NFKBIL1: variants seen among roughly 807,000 people sequenced by gnomAD.
NFKBIL1 encodes NF-kappa-B inhibitor-like protein 1.
A neutral mutation model predicts 45.4 loss-of-function variants in NFKBIL1; 30 were observed. That is an observed-to-expected ratio of 0.66 (90% confidence interval 0.49 to 0.90). The LOEUF (loss-of-function observed/expected upper bound fraction) is 0.90. NFKBIL1 is among the 40% of genes least tolerant of loss of function. The pLI, the probability that NFKBIL1 is intolerant of heterozygous loss-of-function variation, is 0.00. For missense variants in NFKBIL1, 434 were observed against 513.4 expected (o/e 0.85, Z 1.49); for synonymous variants, 179 against 197.3 (o/e 0.91, Z 0.78).
At position 31,557,362 on chromosome 6, in the gene NFKBIL1, A is replaced by G. The variant is rs1039652056; in HGVS notation, c.335-266A>G. The stretch of plus-strand genomic sequence containing the variant: ...TGACCTCGTGATCCGCCCGCCTCGG[A>G]CTCCCAAAGTGCTGGGATTACAGGC... On this transcript the variant is annotated intron_variant, in intron 2 of 3. Coordinates refer to ENST00000376148, the MANE Select transcript of NFKBIL1 (RefSeq NM_005007.4). The surrounding 1 kb of genome is among the most constrained non-coding windows in gnomAD (Gnocchi z 5.4). 6.6e-6 allele frequency among the ~76,000 whole-genome samples: 1 copy of G among 151,876 alleles called. No homozygotes were observed. Among genetic ancestry groups the G allele is most frequent in the South Asian group, 2.1e-4 (1 of 4,814 alleles).
chr6:31,548,880 C>T (rs1476694071), intron 2 of NFKBIL1, among the ~76,000 whole-genome samples: 2 of 152,174 alleles, frequency 1.3e-5, no homozygotes, highest in Non-Finnish European at 2.9e-5. Context: ...TGCTATGTGC[C>T]AGACATTTCT....
At chr6:31,554,254 A>C (rs1769592234) in intron 2 of NFKBIL1, among the ~76,000 whole-genome samples, 1 of 152,046 alleles carries the variant, frequency 6.6e-6, no homozygotes, top group Non-Finnish European at 1.5e-5. Context: ...AAAATACAAA[A>C]TTAGCCAGGC....
Position 31,557,283 on chromosome 6 carries a change from AT to A in NFKBIL1, c.335-339del, listed in dbSNP as rs1429084118. ...CCACCAGGCCTGGCTAATTTTTTGT[AT>A]TTTTTAGTAGAGATGGGATTTCACC... On this transcript the variant is annotated intron_variant, in intron 2 of 3. Transcript: ENST00000376148. The surrounding 1 kb of genome is among the most constrained non-coding windows in gnomAD (Gnocchi z 5.4). Among the ~76,000 whole-genome samples the A allele has an allele frequency of 6.6e-6, 1 of 151,594 alleles. No individual in the cohort carries two copies. Among genetic ancestry groups the A allele is most frequent in the Admixed American group, 6.6e-5 (1 of 15,214 alleles).
intron 2 of NFKBIL1, among the ~76,000 whole-genome samples, chr6:31,553,653 A>G (rs966342901): frequency 9.2e-5 from 14 of 151,944 alleles, no homozygotes; most frequent in Admixed American, 4.6e-4. Context: ...TATTTTTGAG[A>G]GTTTTTTAAT....
chr6:31,552,539 A>G (rs1175614049), intron 2 of NFKBIL1, among the ~76,000 whole-genome samples: 1 of 151,786 alleles, frequency 6.6e-6, no homozygotes, highest in Non-Finnish European at 1.5e-5. Flanking sequence ...TGCTCACCTC[A>G]GCCTCCCAAA....
intron 2 of NFKBIL1, among the ~76,000 whole-genome samples, chr6:31,553,102 C>T (rs564404463): frequency 2.1e-5 from 3 of 145,118 alleles, no homozygotes; most frequent in Admixed American, 7.0e-5. Context: ...AGTGCAATGG[C>T]GCAATCTCAG....
upstream of NFKBIL1, chr6:31,547,452 C>T: frequency 2.4e-6 from 1 of 408,870 alleles, no homozygotes; most frequent in Non-Finnish European, 4.3e-6. Context: ...TTCAGACGGC[C>T]CCTTTAATTT....
At chr6:31,547,252 A>G (rs1349887676), upstream of NFKBIL1, among the ~76,000 whole-genome samples, 1 of 150,922 alleles carries the variant, frequency 6.6e-6, no homozygotes, top group Admixed American at 6.6e-5. Context: ...TTTGTTTTCC[A>G]TGTTTAATGT....
At chr6:31,556,277 G>T (rs376225982) in intron 2 of NFKBIL1, among the ~76,000 whole-genome samples, 4 of 151,984 alleles carry the variant, frequency 2.6e-5, no homozygotes, top group Non-Finnish European at 4.4e-5. Flanking sequence ...GTGGGCCTTC[G>T]CCAGCCACAC....
At chr6:31,547,285 C>T (rs1421489911), upstream of NFKBIL1, among the ~76,000 whole-genome samples, 1 of 151,560 alleles carries the variant, frequency 6.6e-6, no homozygotes, top group Non-Finnish European at 1.5e-5. Flanking sequence ...GTCTTTATCT[C>T]CTCTATTTTC....
At chr6:31,551,234 C>G (rs957372766) in intron 2 of NFKBIL1, among the ~76,000 whole-genome samples, 2 of 151,866 alleles carry the variant, frequency 1.3e-5, no homozygotes, top group Non-Finnish European at 2.9e-5. Flanking sequence ...CTATGTTATC[C>G]AGGCTGTTCT....
At position 31,550,208 on chromosome 6, in the gene NFKBIL1, A is replaced by C. The variant is rs576549379; in HGVS notation, c.334+1769A>C. Among the ~76,000 whole-genome samples the C allele has an allele frequency of 5.0e-4, 76 of 152,176 alleles. 1 individual carries two copies. The highest frequency in any genetic ancestry group is 1.8e-3 in the African/African-American group (73 of 41,520). ...ACAGCAAGACTCCGTCTCAAAAAAAAAAAAAAGAGTGGTGGAAGCAGCTCT... is the reference window on the plus strand; with the variant it reads ...ACAGCAAGACTCCGTCTCAAAAAAACAAAAAAGAGTGGTGGAAGCAGCTCT... On this transcript the variant is annotated intron_variant, in intron 2 of 3. Transcript: ENST00000376148.
intron 2 of NFKBIL1, among the ~76,000 whole-genome samples, chr6:31,552,016 C>T (rs796724597): frequency 2.6e-5 from 4 of 152,228 alleles, no homozygotes; most frequent in African/African-American, 4.8e-5. Flanking sequence ...AGACTGCTCT[C>T]GAACTCCTGA....
At chr6:31,555,330 C>G (rs1769660708) in intron 2 of NFKBIL1, among the ~76,000 whole-genome samples, 1 of 150,694 alleles carries the variant, frequency 6.6e-6, no homozygotes, top group Non-Finnish European at 1.5e-5. Flanking sequence ...CTCTGCCTTC[C>G]AGGTTCAAGT....
At chr6:31,550,459 A>G (rs540636540) in intron 2 of NFKBIL1, among the ~76,000 whole-genome samples, 2 of 150,120 alleles carry the variant, frequency 1.3e-5, no homozygotes, top group Non-Finnish European at 2.9e-5. Flanking sequence ...GAGATAGGCT[A>G]GCATATTCAG....
In NFKBIL1 at chr6:31,553,135, G is replaced by A. The variant is rs143609356; in HGVS notation, c.335-4493G>A. Among the ~76,000 whole-genome samples the A allele has an allele frequency of 9.1e-3, 1,352 of 148,688 alleles. 9 individuals are homozygous for A. The highest frequency in any genetic ancestry group is 0.078 in the Middle Eastern group (22 of 282). On this transcript the variant is annotated intron_variant, in intron 2 of 3. Coordinates refer to ENST00000376148, the MANE Select transcript of NFKBIL1 (RefSeq NM_005007.4). ...CAGCTTGCTACAACCTCCGCCTCCC[G>A]GGTTCAAGCAATTCTCCTGCCTCAG...
chr6:31,547,657 C>G lies in NFKBIL1; in HGVS notation c.-38C>G, dbSNP rs767582230. ...TTCTTAAACACAGGCCTTGGGCCTA[C>G]GGCTCTGGGGGTACTTGGGGGGGCG... On this transcript the variant is annotated 5_prime_UTR_variant, in exon 1 of 4. Transcript: ENST00000376148. 14 of 1,523,736 alleles carry G rather than the reference C, an allele frequency of 9.2e-6. No homozygotes were observed. Among genetic ancestry groups the G allele is most frequent in the Non-Finnish European group, 1.3e-5 (14 of 1,108,600 alleles). The allele number at this position is 1,523,736 out of a possible 1,614,324, so 94.4% of individuals were successfully genotyped here.
Position 31,548,458 on chromosome 6 carries a change from G to T in NFKBIL1, c.334+19G>T, listed in dbSNP as rs1769242705. The T allele has an allele frequency of 2.0e-6, 3 of 1,488,116 alleles. No individual in the cohort carries two copies. In the African/African-American group the frequency reaches 4.2e-5, roughly 21 times the overall value. The allele number at this position is 1,488,116 out of a possible 1,614,324, so 92.2% of individuals were successfully genotyped here. On this transcript the variant is annotated intron_variant, in intron 2 of 3. Coordinates refer to ENST00000376148, the MANE Select transcript of NFKBIL1 (RefSeq NM_005007.4). Reference sequence around the variant, plus strand: ...CCAGATGGTGAGTCTGCTCAGTGGGGAACAAGGTCATAAGCAGCTGACCAG... The same window carrying T: ...CCAGATGGTGAGTCTGCTCAGTGGGTAACAAGGTCATAAGCAGCTGACCAG...
chr6:31,553,693 T>C (rs572947196), intron 2 of NFKBIL1, among the ~76,000 whole-genome samples: 2 of 152,266 alleles, frequency 1.3e-5, no homozygotes, highest in African/African-American at 4.8e-5. Context: ...AGACAGAGTC[T>C]CACTCTGTCA....
Sources: gnomAD v4.1 joint callset for allele counts (sites outside exome capture counted in the v4.1 genomes callset) on GRCh38, gnomAD v4.1.1 for gene constraint, Gnocchi (gnomAD v3.1) non-coding constraint, MANE v1.5 for transcripts, NCBI Gene and HGNC (gene_info 2026-07-23, HGNC 2026-07-21) for gene names.